The following GRB10 variants were observed in gnomAD, a reference collection of about 807,000 sequenced individuals.
The protein encoded by GRB10 is growth factor receptor-bound protein 10.
A neutral mutation model predicts 80.9 loss-of-function variants in GRB10; 20 were observed. The ratio of observed to expected loss-of-function variants is 0.25; its 90% CI spans 0.17 to 0.36. GRB10 has a LOEUF of 0.36. Among genes scored for constraint, GRB10 ranks in the 10% least tolerant of loss-of-function variants. The pLI is 1.00. For missense variants in GRB10, 548 were observed against 747.7 expected (o/e 0.73, Z 3.12); for synonymous variants, 291 against 291.5 (o/e 1.00, Z 0.02).
chr7:50,635,551 A>G (rs192235339), intron 7 of GRB10, among the ~76,000 whole-genome samples: 1,241 of 117,506 alleles, frequency 0.011, 17 homozygotes, highest in African/African-American at 0.037. Context: ...TGAGACCCCA[A>G]AAAACAAAAC....
At chr7:50,600,441 T>C (rs2047402035) in intron 17 of GRB10, among the ~76,000 whole-genome samples, 1 of 152,026 alleles carries the variant, frequency 6.6e-6, no homozygotes, top group African/African-American at 2.4e-5. Flanking sequence ...ATCAGACCCA[T>C]ACTCTACCCA....
intron 5 of GRB10, among the ~76,000 whole-genome samples, chr7:50,703,303 C>T (rs1057485644): frequency 3.3e-5 from 5 of 152,242 alleles, no homozygotes; most frequent in Non-Finnish European, 5.9e-5. Context: ...TCAGGCTCCT[C>T]ATCCTACGGC....
At chr7:50,609,249 T>C (rs1164700648) in intron 13 of GRB10, among the ~76,000 whole-genome samples, 1 of 152,190 alleles carries the variant, frequency 6.6e-6, no homozygotes, top group African/African-American at 2.4e-5. Context: ...ATTGTGATTA[T>C]AAGAGATATT....
chr7:50,671,584 T>C (rs1033117567), intron 6 of GRB10, among the ~76,000 whole-genome samples: 3 of 152,260 alleles, frequency 2.0e-5, no homozygotes, highest in Admixed American at 6.5e-5. Flanking sequence ...TTATTTTTAC[T>C]GTGAACAAAT....
intron 5 of GRB10, among the ~76,000 whole-genome samples, chr7:50,678,588 C>G (rs1052205691): frequency 2.0e-5 from 3 of 152,154 alleles, no homozygotes; most frequent in Non-Finnish European, 4.4e-5. Context: ...TAAATTCTAA[C>G]GAAGAGCGAC....
At chr7:50,664,779 C>A (rs766107720) in intron 7 of GRB10, among the ~76,000 whole-genome samples, 1 of 152,152 alleles carries the variant, frequency 6.6e-6, no homozygotes, top group South Asian at 2.1e-4. Flanking sequence ...GGCCTCAGGG[C>A]TCACAAGTCT....
intron 7 of GRB10, among the ~76,000 whole-genome samples, chr7:50,649,865 G>C (rs936802459): frequency 6.6e-6 from 1 of 152,178 alleles, no homozygotes; most frequent in African/African-American, 2.4e-5. Context: ...AGGTGAGGAG[G>C]CCTTGGTGTG....
chr7:50,652,853 A>G (rs116480233), intron 7 of GRB10, among the ~76,000 whole-genome samples: 33 of 152,304 alleles, frequency 2.2e-4, no homozygotes, highest in African/African-American at 7.9e-4. Flanking sequence ...ACTCAGAATT[A>G]TCAGCATGGA....
chr7:50,616,461 C>G lies in GRB10; in HGVS notation c.847-114G>C, dbSNP rs959867548. On this transcript the variant is annotated intron_variant, in intron 10 of 18. Transcript: ENST00000401949. Reference sequence around the variant, plus strand: ...ATTATTAAAAGACTCCTTTTTGGATCAAAATGAGAGTGTTCTCCTTTCCAA... The same window carrying G: ...ATTATTAAAAGACTCCTTTTTGGATGAAAATGAGAGTGTTCTCCTTTCCAA... 3 of 988,840 alleles carry G rather than the reference C, an allele frequency of 3.0e-6. No homozygotes were observed. In the African/African-American group the frequency reaches 4.9e-5, roughly 16 times the overall value. The allele number at this position is 988,840 out of a possible 1,614,324, so 61.3% of individuals were successfully genotyped here.
chr7:50,690,763 G>T (rs2062726987), intron 5 of GRB10, among the ~76,000 whole-genome samples: 1 of 152,194 alleles, frequency 6.6e-6, no homozygotes, highest in African/African-American at 2.4e-5. Flanking sequence ...AGAGTTGCTG[G>T]GATAAAGCCC....
rs2058650293 is a variant in GRB10, at chr7:50,656,385, TG to T, written c.504+13336del. ...TGAAAAAGACAGGATGTGTAACTACTGGAACAATACATGCTGGAGATCTCTA... is the reference window on the plus strand; with the variant it reads ...TGAAAAAGACAGGATGTGTAACTACTGAACAATACATGCTGGAGATCTCTA... On this transcript the variant is annotated intron_variant, in intron 7 of 18. Transcript: ENST00000401949. Among the ~76,000 whole-genome samples, 4 of 152,320 alleles carry T rather than the reference TG, an allele frequency of 2.6e-5. No homozygotes were observed. In the South Asian group the frequency reaches 8.3e-4, roughly 32 times the overall value.
At chr7:50,705,006 G>T in intron 4 of GRB10, 1 of 331,838 alleles carries the variant, frequency 3.0e-6, no homozygotes, top group Non-Finnish European at 4.3e-6. Context: ...AGGTGCCCAA[G>T]CAGCAGGCCT....
chr7:50,685,043 A>G (rs752824085), intron 5 of GRB10, among the ~76,000 whole-genome samples: 4 of 152,202 alleles, frequency 2.6e-5, no homozygotes, highest in Non-Finnish European at 4.4e-5. Context: ...CAGAAAGTCC[A>G]TTTTTTAAAG....
chr7:50,688,309 T>C (rs2062350600), intron 5 of GRB10, among the ~76,000 whole-genome samples: 2 of 152,142 alleles, frequency 1.3e-5, no homozygotes, highest in South Asian at 4.1e-4. Context: ...CAGACATGTA[T>C]TTGATAATTT....
At chr7:50,764,150 C>T (rs1438466366) in intron 2 of GRB10, among the ~76,000 whole-genome samples, 1 of 146,654 alleles carries the variant, frequency 6.8e-6, no homozygotes, top group Non-Finnish European at 1.5e-5. Flanking sequence ...CTTCCACCTT[C>T]CCCTGCTGGT....
upstream of GRB10, among the ~76,000 whole-genome samples, chr7:50,783,355 G>A (rs1014799445): frequency 2.0e-5 from 3 of 152,046 alleles, no homozygotes; most frequent in African/African-American, 4.8e-5. Flanking sequence ...GAGAGTCAGC[G>A]AGGGAAAGAA....
chr7:50,701,194 G>A (rs182886167), intron 5 of GRB10, among the ~76,000 whole-genome samples: 6 of 152,108 alleles, frequency 3.9e-5, no homozygotes, highest in East Asian at 1.9e-4. Context: ...TACTTTAGAC[G>A]CACCTAATAT....
At chr7:50,608,368 C>T (rs938939312) in intron 13 of GRB10, among the ~76,000 whole-genome samples, 1 of 152,114 alleles carries the variant, frequency 6.6e-6, no homozygotes, top group Non-Finnish European at 1.5e-5. Context: ...ACCAGTGAAA[C>T]GTTCCTTCAA....
chr7:50,747,393 T>C (rs1205433705), intron 3 of GRB10, among the ~76,000 whole-genome samples: 5 of 152,180 alleles, frequency 3.3e-5, no homozygotes, highest in South Asian at 4.1e-4. Flanking sequence ...TTCTATAAAG[T>C]CAAATGTTTT....
Sources: allele counts gnomAD v4.1 joint callset (sites outside exome capture counted in the v4.1 genomes callset), GRCh38; gene constraint gnomAD v4.1.1; transcripts MANE v1.5; gene names NCBI Gene and HGNC (gene_info 2026-07-23, HGNC 2026-07-21).